The following DNM1L variants were observed in gnomAD, a reference collection of about 807,000 sequenced individuals.
The protein encoded by DNM1L is dynamin-1-like protein.
DNM1L carries 33 observed loss-of-function variants against 92.8 expected under a neutral mutation model. The ratio of observed to expected loss-of-function variants is 0.36; its 90% confidence interval spans 0.27 to 0.48. The LOEUF is 0.48. Ranked by LOEUF, DNM1L falls within the 20% of genes least tolerant of loss-of-function variation. The pLI is 0.99. For synonymous variants in DNM1L, 284 were observed against 305.0 expected (o/e 0.93, Z 0.72); for missense variants, 485 against 888.8 (o/e 0.55, Z 5.78).
intron 12 of DNM1L, chr12:32,732,572 C>T (rs949728144): frequency 1.8e-5 from 8 of 455,758 alleles, no homozygotes; most frequent in African/African-American, 1.0e-4. Context: ...TGGTGAACCC[C>T]GTGGAGGTTT....
At chr12:32,707,469 A>C in intron 3 of DNM1L, 56 bp downstream of exon 3, 1 of 1,234,726 alleles carries the variant, frequency 8.1e-7, no homozygotes. Context: ...TATTGTATGA[A>C]TACTTGATAA....
chr12:32,690,128 G>T (rs778592837), intron 1 of DNM1L, among the ~76,000 whole-genome samples: 6 of 152,128 alleles, frequency 3.9e-5, no homozygotes, highest in African/African-American at 1.4e-4. Flanking sequence ...ATCACCAGGT[G>T]GGGGAAAAAG....
chr12:32,720,609 G>T, intron 7 of DNM1L, 55 bp from the exon 8 acceptor site: 1 of 1,610,900 alleles, frequency 6.2e-7, no homozygotes, highest in Non-Finnish European at 8.5e-7. Context: ...CATCATCTAA[G>T]GTAGGAAGAG....
intron 9 of DNM1L, chr12:32,726,494 C>T (rs1395533628): frequency 1.9e-6 from 2 of 1,054,526 alleles, no homozygotes; most frequent in East Asian, 2.4e-5. Flanking sequence ...CTTCATCATA[C>T]TCATCATCAT....
intron 18 of DNM1L, 68 bp downstream of exon 18, chr12:32,740,586 A>G (rs1955219300): frequency 1.5e-6 from 2 of 1,360,410 alleles, no homozygotes; most frequent in Non-Finnish European, 2.0e-6. Context: ...TGTTTTGAAA[A>G]ATACATGTAT....
chr12:32,710,618 C>CAAA (rs72384937), intron 4 of DNM1L, among the ~76,000 whole-genome samples: 2 of 88,896 alleles, frequency 2.2e-5, no homozygotes, highest in Admixed American at 1.3e-4. Flanking sequence ...GACCTTGTCT[C>CAAA]AAAAAAAAAA....
intron 14 of DNM1L, chr12:32,737,423 TTCAG>T (rs1954968573): frequency 6.6e-6 from 3 of 457,928 alleles, no homozygotes; most frequent in East Asian, 4.0e-5. Flanking sequence ...TTTAAAAAAA[TTCAG>T]TCAGTGACTT....
chr12:32,712,372 A>G (rs749092150), intron 5 of DNM1L, among the ~76,000 whole-genome samples: 11 of 152,170 alleles, frequency 7.2e-5, no homozygotes, highest in Admixed American at 2.6e-4. Flanking sequence ...AGATGTCTGT[A>G]TGTTATTGCT....
At chr12:32,694,521 T>C (rs1285774688) in intron 1 of DNM1L, among the ~76,000 whole-genome samples, 2 of 152,232 alleles carry the variant, frequency 1.3e-5, no homozygotes, top group Admixed American at 1.3e-4. Flanking sequence ...TTTTTATGAC[T>C]GAAGTATAAA....
chr12:32,708,796 T>C (rs1218577284), intron 4 of DNM1L, among the ~76,000 whole-genome samples: 1 of 152,142 alleles, frequency 6.6e-6, no homozygotes, highest in African/African-American at 2.4e-5. Context: ...ACTGTTAATC[T>C]TGACACTAGG....
At chr12:32,698,242 A>C (rs1952552180) in intron 1 of DNM1L, among the ~76,000 whole-genome samples, 1 of 152,204 alleles carries the variant, frequency 6.6e-6, no homozygotes, top group African/African-American at 2.4e-5. Flanking sequence ...GGACAACATG[A>C]ATGAGCCCCT....
At chr12:32,726,743 C>A (rs1954174486) in intron 9 of DNM1L, 3 of 619,164 alleles carry the variant, frequency 4.8e-6, no homozygotes, top group Non-Finnish European at 8.8e-6. Context: ...TAATGGTTTT[C>A]AAAATGACAT....
Position 32,731,007 on chromosome 12 carries a change from C to A in DNM1L, c.1080-7C>A. ...TGCCAGAAACCATATACTTCATTGC[C>A]TTTCAGATGCGGTGGTGCTAGAATT... On this transcript the variant is annotated splice_region_variant and splice_polypyrimidine_tract_variant and intron_variant, in intron 9 of 19. Coordinates refer to ENST00000549701, the MANE Select transcript of DNM1L (RefSeq NM_012062.5). This position sits in a 1 kb window ranked among gnomAD's most constrained non-coding sequence, Gnocchi z 5.1. The A allele has an allele frequency of 1.9e-6, 3 of 1,613,702 alleles. No individual in the cohort carries two copies. Among genetic ancestry groups the A allele is most frequent in the South Asian group, 1.1e-5 (1 of 91,066 alleles).
At chr12:32,693,900 C>T (rs1351991003) in intron 1 of DNM1L, among the ~76,000 whole-genome samples, 1 of 151,936 alleles carries the variant, frequency 6.6e-6, no homozygotes, top group Non-Finnish European at 1.5e-5. Context: ...TGGCCTCCCA[C>T]ATTGCTGGGG....
intron 9 of DNM1L, among the ~76,000 whole-genome samples, chr12:32,730,381 CAA>C (rs1293416944): frequency 1.3e-5 from 2 of 151,522 alleles, no homozygotes; most frequent in East Asian, 2.0e-4. Flanking sequence ...AACAAAACAA[CAA>C]AAAAAGAGAG....
At chr12:32,701,675 G>C (rs1442254854) in intron 2 of DNM1L, 113 bp downstream of exon 2, 10 of 970,426 alleles carry the variant, frequency 1.0e-5, no homozygotes, top group Non-Finnish European at 1.6e-5. Context: ...ATAGTTAGAA[G>C]TCCTGTGAGA....
At chr12:32,684,601 G>A (rs780176219) in intron 1 of DNM1L, among the ~76,000 whole-genome samples, 10 of 151,952 alleles carry the variant, frequency 6.6e-5, no homozygotes, top group Non-Finnish European at 1.5e-4. Flanking sequence ...GCCTCAGCCC[G>A]GATTACAGGC....
chr12:32,707,268 T>A, intron 2 of DNM1L, 99 bp from the exon 3 acceptor site: 1 of 905,848 alleles, frequency 1.1e-6, no homozygotes, highest in South Asian at 1.6e-5. Context: ...CAAAATTAAA[T>A]ACAAGTTAAG....
At chr12:32,723,432 C>T (rs759437315) in intron 9 of DNM1L, among the ~76,000 whole-genome samples, 26 of 152,198 alleles carry the variant, frequency 1.7e-4, no homozygotes, top group Non-Finnish European at 3.1e-4. Context: ...CACAGTGGCT[C>T]ATGCCTGTAA....
Sources: gnomAD v4.1 joint callset for allele counts (sites outside exome capture counted in the v4.1 genomes callset) on GRCh38, gnomAD v4.1.1 for gene constraint, Gnocchi (gnomAD v3.1) non-coding constraint, MANE v1.5 for transcripts, NCBI Gene and HGNC (gene_info 2026-07-23, HGNC 2026-07-21) for gene names.